Variants in RTTN observed in about 807,000 individuals in gnomAD.
The protein encoded by RTTN is rotatin.
RTTN carries 182 observed loss-of-function variants against 269.2 expected under a neutral mutation model. The observed-to-expected ratio is 0.68, with a 90% CI of 0.60 to 0.76. RTTN has a LOEUF of 0.76. Ranked by LOEUF, RTTN falls within the 30% of genes least tolerant of loss-of-function variation. RTTN has a pLI of 0.00. For synonymous variants in RTTN, 1,006 were observed against 963.5 expected (o/e 1.04, Z -0.82); for missense variants, 2,545 against 2,608.6 (o/e 0.98, Z 0.53).
chr18:70,093,147 G>A (rs2058898580), intron 28 of RTTN, among the ~76,000 whole-genome samples: 1 of 152,132 alleles, frequency 6.6e-6, no homozygotes, highest in Non-Finnish European at 1.5e-5. Context: ...GGAGCTTGCG[G>A]TGAGCTATGA....
At chr18:70,120,672 C>T (rs1462592996) in intron 26 of RTTN, among the ~76,000 whole-genome samples, 1 of 152,106 alleles carries the variant, frequency 6.6e-6, no homozygotes, top group African/African-American at 2.4e-5. Flanking sequence ...GATAGACCAA[C>T]AACAGGGACC....
At chr18:70,017,813 C>G in intron 45 of RTTN, 139 bp from the exon 46 acceptor site, 1 of 681,206 alleles carries the variant, frequency 1.5e-6, no homozygotes, top group Non-Finnish European at 2.4e-6. Context: ...TCTGAATATT[C>G]CATCTATATT....
intron 14 of RTTN, among the ~76,000 whole-genome samples, chr18:70,155,929 T>C (rs1011541186): frequency 9.9e-5 from 15 of 152,242 alleles, no homozygotes; most frequent in African/African-American, 3.4e-4. Context: ...TGATTTCCTA[T>C]GCCTGTCTTT....
At chr18:70,161,284 G>A (rs931102287) in intron 14 of RTTN, among the ~76,000 whole-genome samples, 1 of 152,110 alleles carries the variant, frequency 6.6e-6, no homozygotes, top group African/African-American at 2.4e-5. Context: ...TGGAATAACT[G>A]GTTAGGCGTA....
At chr18:70,131,192 C>G (rs1317287408) in intron 23 of RTTN, 1 of 143,222 alleles carries the variant, frequency 7.0e-6, no homozygotes, top group Non-Finnish European at 1.5e-5. Flanking sequence ...TATAAGTGCA[C>G]TACATTAAAT....
At chr18:70,102,294 C>G (rs953589975) in intron 28 of RTTN, among the ~76,000 whole-genome samples, 1 of 152,174 alleles carries the variant, frequency 6.6e-6, no homozygotes, top group Non-Finnish European at 1.5e-5. Flanking sequence ...GGATAGTTAG[C>G]TCTTCTTCTT....
At chr18:70,009,400 GGCTGGGATTACAGGTGAGA>G (rs2056300694) in intron 46 of RTTN, among the ~76,000 whole-genome samples, 1 of 152,110 alleles carries the variant, frequency 6.6e-6, no homozygotes, top group Non-Finnish European at 1.5e-5. Flanking sequence ...CCTCCCAAAA[GGCTGGGATTACAGGTGAGA>G]GCCACTGCGT....
In RTTN at chr18:70,197,699, G is replaced by T. The variant is rs372049233; in HGVS notation, c.618C>A (p.Thr206=). 3 of 1,613,452 alleles carry T rather than the reference G, an allele frequency of 1.9e-6. No homozygotes were observed. In the African/African-American group the frequency reaches 4.0e-5, roughly 22 times the overall value. ...RSSNHTLIWN[T]CELLKDVIMQ... is the part of the protein sequence containing the mutation. Reference sequence around the variant, plus strand: ...TGATAACATCCTTCAATAGTTCACAGGTGTTCCAGATTAAAGTGTGGTTAC... The same window carrying T: ...TGATAACATCCTTCAATAGTTCACATGTGTTCCAGATTAAAGTGTGGTTAC... The change falls in exon 6 of 49, where the codon ACC becomes ACA. Residue 206 remains threonine, a synonymous_variant. Transcript: ENST00000640769.
chr18:70,077,378 A>T (rs961391189), intron 32 of RTTN, among the ~76,000 whole-genome samples: 1 of 151,982 alleles, frequency 6.6e-6, no homozygotes, highest in Non-Finnish European at 1.5e-5. Context: ...ACAGAAAAAA[A>T]TGACATCTAC....
At chr18:70,113,473 G>A (rs2059526563) in intron 27 of RTTN, among the ~76,000 whole-genome samples, 1 of 152,100 alleles carries the variant, frequency 6.6e-6, no homozygotes, top group African/African-American at 2.4e-5. Flanking sequence ...AAACAGCTTG[G>A]CATTTCCTTG....
intron 44 of RTTN, among the ~76,000 whole-genome samples, chr18:70,023,435 C>A (rs1040498271): frequency 6.6e-6 from 1 of 152,210 alleles, no homozygotes; most frequent in African/African-American, 2.4e-5. Flanking sequence ...CTTGAGTGAA[C>A]ATCAACACCT....
chr18:70,197,353 T>G (rs759984449), intron 6 of RTTN, among the ~76,000 whole-genome samples: 2 of 152,248 alleles, frequency 1.3e-5, no homozygotes, highest in Non-Finnish European at 2.9e-5. Context: ...ACAATCTCAA[T>G]GTCCAAAGTC....
chr18:70,125,344 T>C (rs2059838491), intron 25 of RTTN, among the ~76,000 whole-genome samples: 1 of 151,996 alleles, frequency 6.6e-6, no homozygotes, highest in Non-Finnish European at 1.5e-5. Flanking sequence ...CTTCAAAATA[T>C]AATAAGACTT....
intron 26 of RTTN, among the ~76,000 whole-genome samples, chr18:70,118,779 A>T (rs2059660862): frequency 6.6e-6 from 1 of 152,196 alleles, no homozygotes; most frequent in Non-Finnish European, 1.5e-5. Context: ...GGATGGTTCA[A>T]CATACACAAA....
chr18:70,015,066 A>G (rs1459109142), intron 46 of RTTN, among the ~76,000 whole-genome samples: 1 of 151,624 alleles, frequency 6.6e-6, no homozygotes, highest in African/African-American at 2.4e-5. Context: ...TGCCAGAAAC[A>G]AGGAATGTTC....
chr18:70,088,806 G>C (rs565013080), intron 30 of RTTN, among the ~76,000 whole-genome samples: 10 of 152,118 alleles, frequency 6.6e-5, no homozygotes, highest in African/African-American at 2.4e-4. Flanking sequence ...AGTTCAATGT[G>C]ACTAAAAAAT....
intron 28 of RTTN, among the ~76,000 whole-genome samples, chr18:70,105,838 T>A (rs1442236011): frequency 6.6e-6 from 1 of 152,156 alleles, no homozygotes; most frequent in African/African-American, 2.4e-5. Flanking sequence ...ATTTTTATAA[T>A]CATTTATGCT....
intron 8 of RTTN, among the ~76,000 whole-genome samples, chr18:70,192,669 C>CAAA (rs11313917): frequency 1.3e-4 from 12 of 89,866 alleles, no homozygotes; most frequent in African/African-American, 3.1e-4. Flanking sequence ...GACCTTGTCT[C>CAAA]AAAAAAAAAA....
chr18:70,088,463 T>G (rs188385304), intron 30 of RTTN, among the ~76,000 whole-genome samples: 1 of 152,346 alleles, frequency 6.6e-6, no homozygotes, highest in East Asian at 1.9e-4. Flanking sequence ...ACAATTTCAA[T>G]TCTTCATTCT....
Sources: gnomAD v4.1 joint callset for allele counts (sites outside exome capture counted in the v4.1 genomes callset) on GRCh38, gnomAD v4.1.1 for gene constraint, MANE v1.5 for transcripts, NCBI Gene and HGNC (gene_info 2026-07-23, HGNC 2026-07-21) for gene names.